Variants in ANKRD34C observed in about 807,000 individuals in gnomAD.
ANKRD34C encodes the protein ankyrin repeat domain-containing protein 34C.
For missense variants in ANKRD34C, 563 were observed against 653.0 expected (o/e 0.86, Z 1.50); for synonymous variants, 260 against 253.6 (o/e 1.03, Z -0.24).
At chr15:79,291,642 G>A (rs1216355926) in intron 1 of ANKRD34C, among the ~76,000 whole-genome samples, 2 of 147,090 alleles carry the variant, frequency 1.4e-5, no homozygotes, top group African/African-American at 5.1e-5. Context: ...ATCAGTAGGA[G>A]AATTAAGGAG....
Position 79,294,414 on chromosome 15 carries a change from A to G in ANKRD34C, c.1130A>G (p.Asn377Ser), listed in dbSNP as rs1461127924. ...CCTGCATCCCTCAAATGGCTGGAAA[A>G]TGACCTCTATGACTTAGATATACAG... is the stretch of plus-strand genomic sequence containing the variant. ...KEPASLKWLE[N>S]DLYDLDIQPG... is the part of the protein sequence containing the mutation. The change falls in exon 2 of 2, where the codon AAT becomes AGT. Residue 377 changes from asparagine (N) to serine (S), a missense_variant. Asn to Ser is a conservative substitution (Grantham distance 46, BLOSUM62 1). Coordinates refer to ENST00000421388, the MANE Select transcript of ANKRD34C (RefSeq NM_001146341.2). The G allele has an allele frequency of 6.4e-7, 1 of 1,551,448 alleles. No homozygotes were observed. The highest frequency in any genetic ancestry group is 1.4e-5 in the African/African-American group (1 of 73,014).
rs1229312563 is a variant in ANKRD34C, at chr15:79,296,103, G to A, written c.*1211G>A. The A allele has an allele frequency of 3.0e-5, 5 of 167,152 alleles. No individual in the cohort carries two copies. Among genetic ancestry groups the A allele is most frequent in the Non-Finnish European group, 5.9e-5 (4 of 68,116 alleles). The allele number at this position is 167,152 out of a possible 1,614,324, so 10.4% of individuals were successfully genotyped here. A position where few individuals can be genotyped will look rare whatever the true frequency, so the allele number is the denominator to read the frequency against. ...GTTATTTCCATTTATGTTTCCTCTC[G>A]TGCTGCTGAGATCTATTTGCTCTAT... is the stretch of plus-strand genomic sequence containing the variant. On this transcript the variant is annotated 3_prime_UTR_variant, in exon 2 of 2. Coordinates refer to ENST00000421388, the MANE Select transcript of ANKRD34C (RefSeq NM_001146341.2).
At position 79,282,765 on chromosome 15, in the gene ANKRD34C, C is replaced by T. The variant is rs2058631534; in HGVS notation, c.-508C>T. ...GCGGCTGGAGAGCTGCTCTCGGCGCCAGCGGGCAGCAGCGCGTCGTCAGCC... is the reference window on the plus strand; with the variant it reads ...GCGGCTGGAGAGCTGCTCTCGGCGCTAGCGGGCAGCAGCGCGTCGTCAGCC... On this transcript the variant is annotated 5_prime_UTR_variant, in exon 1 of 2. Transcript: ENST00000421388. 6.6e-6 allele frequency among the ~76,000 whole-genome samples: 1 copy of T among 152,234 alleles called. No homozygotes were observed. Among genetic ancestry groups the T allele is most frequent in the Non-Finnish European group, 1.5e-5 (1 of 68,044 alleles).
At chr15:79,293,220 T>C in intron 1 of ANKRD34C, 21 bp from the exon 2 acceptor site, 1 of 1,408,498 alleles carries the variant, frequency 7.1e-7, no homozygotes, top group Non-Finnish European at 9.5e-7. Flanking sequence ...TAACATTTGT[T>C]CCCTCTTCTT....
Position 79,282,989 on chromosome 15 carries a change from T to G in ANKRD34C, c.-284T>G, listed in dbSNP as rs1384095017. 6.6e-6 allele frequency among the ~76,000 whole-genome samples: 1 copy of G among 152,224 alleles called. No individual in the cohort carries two copies. The highest frequency in any genetic ancestry group is 1.9e-4 in the East Asian group (1 of 5,182). ...GAGCGGTGGACCGATTTGAAGGAAC[T>G]GACGCAGAGGTTTTATTCACGAACC... On this transcript the variant is annotated 5_prime_UTR_variant, in exon 1 of 2. Coordinates refer to ENST00000421388, the MANE Select transcript of ANKRD34C (RefSeq NM_001146341.2).
chr15:79,294,205 C>T lies in ANKRD34C; in HGVS notation c.921C>T (p.Pro307=). 5.2e-6 allele frequency: 8 copies of T among 1,551,538 alleles called. No homozygotes were observed. The highest frequency in any genetic ancestry group is 7.0e-6 in the Non-Finnish European group (8 of 1,146,920). ...SRTNSIDSKD[P]TLFHTVTEQV... ...CCAACAGTATCGATAGCAAAGACCC[C>T]ACCCTCTTTCACACAGTCACAGAGC... Residue 307 remains proline, a synonymous_variant, in exon 2 of 2, where the codon CCC becomes CCT. Transcript: ENST00000421388.
intron 1 of ANKRD34C, among the ~76,000 whole-genome samples, chr15:79,284,096 C>T (rs2058636989): frequency 6.6e-6 from 1 of 152,192 alleles, no homozygotes; most frequent in Admixed American, 6.5e-5. Context: ...TAAGCGCTTA[C>T]CATGTGCCAA....
intron 1 of ANKRD34C, among the ~76,000 whole-genome samples, chr15:79,291,919 T>C (rs2058660870): frequency 6.6e-6 from 1 of 152,242 alleles, no homozygotes; most frequent in African/African-American, 2.4e-5. Flanking sequence ...TTCCTCTTTA[T>C]ATACTTACAT....
Position 79,293,894 on chromosome 15 carries a change from G to T in ANKRD34C, c.610G>T (p.Glu204Ter). The T allele has an allele frequency of 6.4e-7, 1 of 1,551,674 alleles. No individual in the cohort carries two copies. The highest frequency in any genetic ancestry group is 1.2e-5 in the South Asian group (1 of 84,060). Residue 204 changes from glutamate (E) to a stop codon, truncating the protein, a stop_gained, in exon 2 of 2, where the codon GAG becomes TAG. Transcript: ENST00000421388. LOFTEE classifies it low-confidence loss of function (END_TRUNC). Reference sequence around the variant, plus strand: ...TCTAGGCCTGGACTCTCCACTCACTGAGAAGGAAGATGACTTCTTCAGCCT... The same window carrying T: ...TCTAGGCCTGGACTCTCCACTCACTTAGAAGGAAGATGACTTCTTCAGCCT... ...KALGLDSPLT[E>*]KEDDFFSLQA...
rs1463057296 is a variant in ANKRD34C, at chr15:79,297,539, G to A, written c.*2647G>A. 1.8e-5 allele frequency: 3 copies of A among 166,978 alleles called. No homozygotes were observed. The highest frequency in any genetic ancestry group is 4.4e-5 in the Non-Finnish European group (3 of 68,120). The allele number at this position is 166,978 out of a possible 1,614,324, so 10.3% of individuals were successfully genotyped here. A position where few individuals can be genotyped will look rare whatever the true frequency, so the allele number is the denominator to read the frequency against. On this transcript the variant is annotated 3_prime_UTR_variant, in exon 2 of 2. Transcript: ENST00000421388. ...CCATTGCACAAATGTGTAATATCAG[G>A]TACTCTCATGCCACTCATTGCCTGC...
rs1160734928 is a variant in ANKRD34C, at chr15:79,283,184, A to G, written c.-89A>G. Among the ~76,000 whole-genome samples, 1 of 152,134 alleles carries G rather than the reference A, an allele frequency of 6.6e-6. No homozygotes were observed. Among genetic ancestry groups the G allele is most frequent in the African/African-American group, 2.4e-5 (1 of 41,454 alleles). ...TTTGGGAATAATAATGACACTACCT[A>G]TAGCCTGGACCCAGGTGGCCTCGCT... On this transcript the variant is annotated 5_prime_UTR_variant, in exon 1 of 2. Transcript: ENST00000421388.
intron 1 of ANKRD34C, among the ~76,000 whole-genome samples, chr15:79,290,679 G>T (rs1446434750): frequency 1.3e-5 from 2 of 152,194 alleles, no homozygotes; most frequent in Non-Finnish European, 2.9e-5. Context: ...CTTAGGCTTT[G>T]CCTTGGAAGT....
At position 79,294,022 on chromosome 15, in the gene ANKRD34C, A is replaced by G. The variant is rs1479150655; in HGVS notation, c.738A>G (p.Gln246=). The G allele has an allele frequency of 1.3e-6, 2 of 1,551,622 alleles. No individual in the cohort carries two copies. Among genetic ancestry groups the G allele is most frequent in the South Asian group, 1.2e-5 (1 of 84,054 alleles). ...VSNLKRARLP[Q]LKRLQSEPWG... ...ATCTCAAAAGGGCCCGTTTGCCTCA[A>G]CTGAAGAGGCTCCAGTCTGAACCTT... Residue 246 remains glutamine, a synonymous_variant, in exon 2 of 2, where the codon CAA becomes CAG. Coordinates refer to ENST00000421388, the MANE Select transcript of ANKRD34C (RefSeq NM_001146341.2).
Position 79,296,606 on chromosome 15 carries a change from A to T in ANKRD34C, c.*1714A>T, listed in dbSNP as rs2058673000. On this transcript the variant is annotated 3_prime_UTR_variant, in exon 2 of 2. Transcript: ENST00000421388. The stretch of plus-strand genomic sequence containing the variant: ...TCTACATATTATATAATTTTTCTAT[A>T]ACTACCTTTGCTAGAAATTTATCTG... The T allele has an allele frequency of 6.0e-6, 1 of 167,146 alleles. No homozygotes were observed. The highest frequency in any genetic ancestry group is 1.5e-5 in the Non-Finnish European group (1 of 68,122). The allele number at this position is 167,146 out of a possible 1,614,324, so 10.4% of individuals were successfully genotyped here.
chr15:79,293,670 C>T lies in ANKRD34C; in HGVS notation c.386C>T (p.Ala129Val), dbSNP rs572751058. The T allele has an allele frequency of 1.9e-6, 3 of 1,551,566 alleles. No homozygotes were observed. The highest frequency in any genetic ancestry group is 2.4e-5 in the South Asian group (2 of 84,020). ...TCAGCTCTGGTTTATGCAATAAATG[C>T]AGATGACAAGGATGCATTGAAGCAT... ...GASALVYAIN[A>V]DDKDALKHLL... The change falls in exon 2 of 2, where the codon GCA (alanine) becomes GTA (valine). Residue 129 changes from alanine to valine, a missense_variant. Transcript: ENST00000421388.
Position 79,293,493 on chromosome 15 carries a change from A to T in ANKRD34C, c.209A>T (p.Tyr70Phe), listed in dbSNP as rs2058664661. The T allele has an allele frequency of 6.4e-7, 1 of 1,551,518 alleles. No individual in the cohort carries two copies. The highest frequency in any genetic ancestry group is 2.0e-5 in the Admixed American group (1 of 50,974). The change falls in exon 2 of 2, where the codon TAC becomes TTC. Residue 70 changes from tyrosine to phenylalanine, a missense_variant. By Grantham distance (22) the Tyr-to-Phe change is conservative. Coordinates refer to ENST00000421388, the MANE Select transcript of ANKRD34C (RefSeq NM_001146341.2). ...QSISKSKMVK[Y>F]LLDNRADPNI... ...ATCAGCAAGTCCAAGATGGTGAAGTACCTGCTGGACAACAGGGCAGACCCC... is the reference window on the plus strand; with the variant it reads ...ATCAGCAAGTCCAAGATGGTGAAGTTCCTGCTGGACAACAGGGCAGACCCC...
At chr15:79,293,218 G>C in intron 1 of ANKRD34C, 23 bp from the exon 2 acceptor site, 1 of 1,408,000 alleles carries the variant, frequency 7.1e-7, no homozygotes, top group South Asian at 1.5e-5. Context: ...TATAACATTT[G>C]TTCCCTCTTC....
chr15:79,291,593 CACACACACAGAGAG>C (rs1276092692), intron 1 of ANKRD34C, among the ~76,000 whole-genome samples: 25 of 119,128 alleles, frequency 2.1e-4, no homozygotes, highest in East Asian at 3.1e-4. Context: ...CACACACACA[CACACACACAGAGAG>C]AGAGAGAGAG....
At chr15:79,288,812 CTTTT>C (rs60075615) in intron 1 of ANKRD34C, among the ~76,000 whole-genome samples, 13 of 55,532 alleles carry the variant, frequency 2.3e-4, no homozygotes, top group African/African-American at 8.6e-4. Context: ...GCCCAGTATT[CTTTT>C]TTTTTTTTTT....
Sources: gnomAD v4.1 joint callset for allele counts (sites outside exome capture counted in the v4.1 genomes callset) on GRCh38, gnomAD v4.1.1 for gene constraint, MANE v1.5 for transcripts, NCBI Gene and HGNC (gene_info 2026-07-23, HGNC 2026-07-21) for gene names.